Variants in PLCB1 observed in about 807,000 individuals in gnomAD.
PLCB1 encodes the protein phospholipase C beta 1, also known as 1-phosphatidylinositol 4,5-bisphosphate phosphodiesterase beta-1.
In PLCB1, 46 loss-of-function variants were observed where a neutral mutation model predicts 161.8. The observed-to-expected ratio is 0.28, with a 90% CI of 0.22 to 0.36. The LOEUF (loss-of-function observed/expected upper bound fraction) is 0.36, where lower values mean the gene tolerates loss of function less well. Among genes scored for constraint, PLCB1 ranks in the 10% least tolerant of loss-of-function variants. The pLI is 1.00. For synonymous variants in PLCB1, 517 were observed against 503.7 expected, an observed-to-expected ratio of 1.03 and a Z score of -0.35; for missense variants, 1,016 against 1,472.5, an observed-to-expected ratio of 0.69 and a Z score of 5.07.
chr20:8,628,853 G>A (rs1373458949), intron 4 of PLCB1, among the ~76,000 whole-genome samples: 2 of 152,002 alleles, frequency 1.3e-5, no homozygotes, highest in Admixed American at 6.6e-5. Flanking sequence ...AGAATCGCTT[G>A]AACCCAGGAG....
intron 2 of PLCB1, among the ~76,000 whole-genome samples, chr20:8,340,578 A>T (rs1164478305): frequency 1.3e-5 from 2 of 151,400 alleles, no homozygotes; most frequent in Admixed American, 1.3e-4. Context: ...GCCCGCCACC[A>T]CGCCCGGCTA....
chr20:8,276,926 T>TTTCTTCTTC (rs752434070), intron 2 of PLCB1, among the ~76,000 whole-genome samples: 1,117 of 104,658 alleles, frequency 0.011, 14 homozygotes, highest in East Asian at 0.019. Context: ...GTCTTCTTCT[T>TTTCTTCTTC]TTCTTCTTCT....
intron 26 of PLCB1, among the ~76,000 whole-genome samples, chr20:8,772,645 C>T (rs902210851): frequency 4.6e-5 from 7 of 152,106 alleles, no homozygotes; most frequent in Admixed American, 1.3e-4. Context: ...TATATAAGAT[C>T]ATTCAGGCCG....
intron 31 of PLCB1, among the ~76,000 whole-genome samples, chr20:8,801,168 A>G (rs1208516970): frequency 6.6e-6 from 1 of 152,008 alleles, no homozygotes; most frequent in East Asian, 1.9e-4. Flanking sequence ...CACTGGGCTC[A>G]TTGCTAGGCC....
At chr20:8,864,350 G>A (rs1987354560) in intron 31 of PLCB1, among the ~76,000 whole-genome samples, 1 of 152,158 alleles carries the variant, frequency 6.6e-6, no homozygotes, top group Non-Finnish European at 1.5e-5. Flanking sequence ...ATTTTCCCAT[G>A]TATATTGCAG....
At chr20:8,666,703 C>T (rs1364473623) in intron 9 of PLCB1, among the ~76,000 whole-genome samples, 1 of 152,236 alleles carries the variant, frequency 6.6e-6, no homozygotes, top group African/African-American at 2.4e-5. Context: ...AGTTGCAACA[C>T]AGACCATTTA....
In PLCB1 at chr20:8,474,515, G is replaced by C. The variant is rs994203334; in HGVS notation, c.246+103065G>C. 2.6e-5 allele frequency among the ~76,000 whole-genome samples: 4 copies of C among 152,202 alleles called. No homozygotes were observed. The East Asian group carries it at 7.8e-4, about 29-fold the overall frequency. ...TTAAAGATGAGCAAACATGAATGAG[G>C]GGTAGAGTGGCAGGGATTATGGTGG... On this transcript the variant is annotated intron_variant, in intron 3 of 31. Coordinates refer to ENST00000338037, the MANE Select transcript of PLCB1 (RefSeq NM_015192.4).
At chr20:8,289,389 C>T (rs1159630) in intron 2 of PLCB1, among the ~76,000 whole-genome samples, 75,684 of 151,966 alleles carry the variant, frequency 0.5, 21,146 homozygotes, top group African/African-American at 0.75. Context: ...TCCACTGAGA[C>T]TCCCGGGAAA....
In PLCB1 at chr20:8,605,543, T is replaced by C. The variant is rs192172324; in HGVS notation, c.247-22751T>C. Among the ~76,000 whole-genome samples the C allele has an allele frequency of 2.6e-4, 39 of 152,026 alleles. 1 individual carries two copies. In the East Asian group the frequency reaches 7.3e-3, roughly 29 times the overall value. On this transcript the variant is annotated intron_variant, in intron 3 of 31. Coordinates refer to ENST00000338037, the MANE Select transcript of PLCB1 (RefSeq NM_015192.4). ...TAGAAACATCAACCTCTTTGTCAAA[T>C]TGTTCTTCCAGTTTATTGTATTTTT...
intron 3 of PLCB1, among the ~76,000 whole-genome samples, chr20:8,384,670 T>C (rs1309220472): frequency 6.6e-6 from 1 of 152,160 alleles, no homozygotes; most frequent in Non-Finnish European, 1.5e-5. Flanking sequence ...TGTCTAGTTT[T>C]GATCTTTGAG....
intron 2 of PLCB1, among the ~76,000 whole-genome samples, chr20:8,311,613 C>T (rs933511435): frequency 4.6e-4 from 70 of 152,300 alleles, no homozygotes; most frequent in African/African-American, 1.6e-3. Context: ...CTCTATTAAA[C>T]GTATCATTTG....
chr20:8,582,430 G>C (rs959788730), intron 3 of PLCB1, among the ~76,000 whole-genome samples: 5 of 152,078 alleles, frequency 3.3e-5, no homozygotes, highest in Admixed American at 3.3e-4. Flanking sequence ...CAGCACCGTG[G>C]TACCATTCAT....
At chr20:8,150,808 A>G (rs1252650868) in intron 2 of PLCB1, among the ~76,000 whole-genome samples, 1 of 152,156 alleles carries the variant, frequency 6.6e-6, no homozygotes, top group East Asian at 1.9e-4. Context: ...ACTCTCTCAG[A>G]ATCAGCAGGA....
intron 3 of PLCB1, among the ~76,000 whole-genome samples, chr20:8,566,922 G>C (rs1345160918): frequency 6.6e-6 from 1 of 151,420 alleles, no homozygotes; most frequent in Non-Finnish European, 1.5e-5. Context: ...TTTGCTAGGT[G>C]TCATTTGTTC....
At chr20:8,797,473 G>C (rs1007424066) in intron 31 of PLCB1, among the ~76,000 whole-genome samples, 1 of 151,788 alleles carries the variant, frequency 6.6e-6, no homozygotes, top group Non-Finnish European at 1.5e-5. Context: ...TCAATGAATT[G>C]TTTTTAGTAT....
rs1476255287 is a variant in PLCB1, at chr20:8,882,925, A to T, written c.*1076A>T. On this transcript the variant is annotated 3_prime_UTR_variant, in exon 32 of 32. Coordinates refer to ENST00000338037, the MANE Select transcript of PLCB1 (RefSeq NM_015192.4). Reference sequence around the variant, plus strand: ...CACACATGAGTGTAGACATGTGTTTATTAATTGACAATGACCCAAATCTCT... The same window carrying T: ...CACACATGAGTGTAGACATGTGTTTTTTAATTGACAATGACCCAAATCTCT... 9 of 152,740 alleles carry T rather than the reference A, an allele frequency of 5.9e-5. No homozygotes were observed. Among genetic ancestry groups the T allele is most frequent in the African/African-American group, 2.2e-4 (9 of 41,568 alleles). The allele number at this position is 152,740 out of a possible 1,614,324, so 9.5% of individuals were successfully genotyped here. A position where few individuals can be genotyped will look rare whatever the true frequency, so the allele number is the denominator to read the frequency against.
intron 26 of PLCB1, among the ~76,000 whole-genome samples, chr20:8,767,663 AT>A (rs1463935535): frequency 6.6e-6 from 1 of 152,046 alleles, no homozygotes; most frequent in African/African-American, 2.4e-5. Context: ...ATAGCTTATC[AT>A]GGGACTTTGT....
intron 2 of PLCB1, among the ~76,000 whole-genome samples, chr20:8,321,927 A>G (rs182782538): frequency 2.2e-3 from 335 of 152,262 alleles, no homozygotes; most frequent in African/African-American, 7.5e-3. Context: ...GGGTTCCACA[A>G]TGTTTTCAGT....
At chr20:8,293,566 A>G (rs1983482924) in intron 2 of PLCB1, among the ~76,000 whole-genome samples, 1 of 152,068 alleles carries the variant, frequency 6.6e-6, no homozygotes, top group Non-Finnish European at 1.5e-5. Context: ...TTTCTGGTAC[A>G]CTGGAAGTCT....
Sources: gnomAD v4.1 joint callset for allele counts (sites outside exome capture counted in the v4.1 genomes callset) on GRCh38, gnomAD v4.1.1 for gene constraint, MANE v1.5 for transcripts, NCBI Gene and HGNC (gene_info 2026-07-23, HGNC 2026-07-21) for gene names.